The following IL1RAPL1 variants were observed in gnomAD, a reference collection of about 807,000 sequenced individuals.
IL1RAPL1 encodes the protein interleukin-1 receptor accessory protein-like 1.
A neutral mutation model predicts 48.4 loss-of-function variants in IL1RAPL1; 3 were observed. The ratio of observed to expected loss-of-function variants is 0.06; its 90% CI spans 0.03 to 0.16. IL1RAPL1 has a LOEUF of 0.16. Among genes scored for constraint, IL1RAPL1 ranks in the 10% least tolerant of loss-of-function variants. IL1RAPL1 has a pLI of 1.00. For synonymous variants in IL1RAPL1, 185 were observed against 187.7 expected (o/e 0.99, Z 0.12); for missense variants, 349 against 530.6 (o/e 0.66, Z 3.36).
intron 2 of IL1RAPL1, among the ~76,000 whole-genome samples, chrX:29,169,592 A>T (rs760556512): frequency 6.3e-5 from 7 of 111,022 alleles, no homozygotes; most frequent in Non-Finnish European, 1.1e-4. Context: ...AAGCAATTTC[A>T]AACTACCTGG....
intron 5 of IL1RAPL1, among the ~76,000 whole-genome samples, chrX:29,531,701 G>A (rs1921045430): frequency 8.9e-6 from 1 of 111,898 alleles, no homozygotes; most frequent in South Asian, 3.8e-4. Context: ...CAAAGTGTTG[G>A]CACAGCCATG....
At chrX:29,216,230 C>T (rs746303964) in intron 2 of IL1RAPL1, among the ~76,000 whole-genome samples, 11 of 110,866 alleles carry the variant, frequency 9.9e-5, no homozygotes, top group Non-Finnish European at 1.9e-4. Context: ...CACTCTGTCT[C>T]CCAGGCTGGA....
At chrX:29,264,476 T>C (rs991512730) in intron 2 of IL1RAPL1, among the ~76,000 whole-genome samples, 2 of 111,085 alleles carry the variant, frequency 1.8e-5, no homozygotes, top group African/African-American at 6.5e-5. Context: ...GTTCCATCTG[T>C]AAGAAAGCAT....
At chrX:29,414,121 A>G (rs1361308153) in intron 5 of IL1RAPL1, among the ~76,000 whole-genome samples, 1 of 111,162 alleles carries the variant, frequency 9.0e-6, no homozygotes, top group Non-Finnish European at 1.9e-5. Context: ...TTCCTCTCAT[A>G]TGAGGTACCT....
chrX:29,834,133 A>T (rs1407715583), intron 6 of IL1RAPL1, among the ~76,000 whole-genome samples: 2 of 112,530 alleles, frequency 1.8e-5, no homozygotes, highest in African/African-American at 6.5e-5. Context: ...CTGAGCTCAT[A>T]TGTATGTGCA....
chrX:29,160,077 C>T (rs945519517), intron 2 of IL1RAPL1, among the ~76,000 whole-genome samples: 1 of 111,994 alleles, frequency 8.9e-6, no homozygotes, highest in Non-Finnish European at 1.9e-5. Flanking sequence ...ACTCAATGTC[C>T]TTATGTGGTA....
chrX:29,096,747 A>G (rs964759042), intron 2 of IL1RAPL1, among the ~76,000 whole-genome samples: 3 of 110,588 alleles, frequency 2.7e-5, no homozygotes, highest in Non-Finnish European at 5.7e-5. Context: ...AAAGTTTTTC[A>G]AGATGTTATG....
At chrX:28,895,819 G>T (rs2147322880) in intron 2 of IL1RAPL1, among the ~76,000 whole-genome samples, 1 of 111,709 alleles carries the variant, frequency 9.0e-6, no homozygotes, top group African/African-American at 3.3e-5. Flanking sequence ...TGATGGTCCT[G>T]TAGGCTTCCG....
intron 5 of IL1RAPL1, among the ~76,000 whole-genome samples, chrX:29,429,527 C>T (rs780737820): frequency 9.0e-6 from 1 of 111,636 alleles, no homozygotes; most frequent in Non-Finnish European, 1.9e-5. Flanking sequence ...CTCTCAGTTC[C>T]CTCCTTAATC....
rs763736468 is a variant in IL1RAPL1, at chrX:29,868,250, A to G, written c.779-49214A>G. Among the ~76,000 whole-genome samples, 8 of 112,648 alleles carry G rather than the reference A, an allele frequency of 7.1e-5. No individual in the cohort carries two copies. In the South Asian group the frequency reaches 2.9e-3, roughly 41 times the overall value. Reference sequence around the variant, plus strand: ...AATTTGACCTTAAGTGAGCTGGATCATGAAAAGGCAACATAATCTCCAATT... The same window carrying G: ...AATTTGACCTTAAGTGAGCTGGATCGTGAAAAGGCAACATAATCTCCAATT... On this transcript the variant is annotated intron_variant, in intron 6 of 10. Transcript: ENST00000378993.
At chrX:28,789,551 A>C in intron 2 of IL1RAPL1, 126 bp downstream of exon 2, 5 of 525,895 alleles carry the variant, frequency 9.5e-6, no homozygotes, top group Non-Finnish European at 1.3e-5. Context: ...GATATTGTAG[A>C]TATTATGAGT....
intron 2 of IL1RAPL1, among the ~76,000 whole-genome samples, chrX:29,076,802 G>GTCTATCTATCTATCTA (rs59044267): frequency 0.059 from 5,767 of 97,197 alleles, 166 homozygotes; most frequent in Admixed American, 0.083. Flanking sequence ...CTGTCTGTCT[G>GTCTATCTATCTATCTA]TCTATCTATC....
chrX:29,608,313 TA>T (rs1355319088), intron 5 of IL1RAPL1, among the ~76,000 whole-genome samples: 1 of 110,398 alleles, frequency 9.1e-6, no homozygotes, highest in African/African-American at 3.3e-5. Context: ...CCCATTGCTT[TA>T]GCCAAGTGCA....
At chrX:28,871,335 T>C (rs1276747889) in intron 2 of IL1RAPL1, among the ~76,000 whole-genome samples, 3 of 111,998 alleles carry the variant, frequency 2.7e-5, no homozygotes, top group African/African-American at 9.7e-5. Flanking sequence ...CAAAGCACAT[T>C]TGGTTATATT....
Position 29,155,562 on chromosome X carries a change from A to G in IL1RAPL1, c.83-127376A>G, listed in dbSNP as rs553921851. Among the ~76,000 whole-genome samples the G allele has an allele frequency of 4.9e-4, 55 of 112,096 alleles. No individual in the cohort carries two copies. In the Middle Eastern group the frequency reaches 0.014, roughly 28 times the overall value. Reference sequence around the variant, plus strand: ...TCATTCAACAATATATCCACCAAAAATATTCAGAAGTGGATGACCTTTCTT... The same window carrying G: ...TCATTCAACAATATATCCACCAAAAGTATTCAGAAGTGGATGACCTTTCTT... On this transcript the variant is annotated intron_variant, in intron 2 of 10. Transcript: ENST00000378993.
chrX:29,167,332 C>T (rs938398906), intron 2 of IL1RAPL1, among the ~76,000 whole-genome samples: 11 of 109,159 alleles, frequency 1.0e-4, no homozygotes, highest in African/African-American at 3.7e-4. Context: ...TCCTTTCCTT[C>T]CCTCCCTCCT....
At chrX:29,124,705 T>G (rs1317045268) in intron 2 of IL1RAPL1, among the ~76,000 whole-genome samples, 1 of 112,085 alleles carries the variant, frequency 8.9e-6, no homozygotes, top group East Asian at 2.8e-4. Flanking sequence ...GTCACCTTTT[T>G]CTTGGGAGAA....
At chrX:29,752,495 C>CA (rs10682605) in intron 6 of IL1RAPL1, among the ~76,000 whole-genome samples, 6,848 of 52,561 alleles carry the variant, frequency 0.13, 462 homozygotes, top group Middle Eastern at 0.35. Context: ...GACTTTGTCT[C>CA]AAAAAAAAAA....
intron 5 of IL1RAPL1, among the ~76,000 whole-genome samples, chrX:29,409,913 C>G (rs1008592406): frequency 1.9e-5 from 2 of 106,269 alleles, no homozygotes; most frequent in Non-Finnish European, 3.9e-5. Context: ...ACCTCCGCCT[C>G]CCAGGTTCAA....
Sources: allele counts gnomAD v4.1 joint callset (sites outside exome capture counted in the v4.1 genomes callset), GRCh38; gene constraint gnomAD v4.1.1; transcripts MANE v1.5; gene names NCBI Gene and HGNC (gene_info 2026-07-23, HGNC 2026-07-21).